SGCE: variants seen among roughly 807,000 people sequenced by gnomAD.
SGCE encodes epsilon-sarcoglycan.
Under a neutral mutation model 57.8 loss-of-function variants are expected in SGCE, and 26 were observed. The observed-to-expected ratio is 0.45, with a 90% CI of 0.33 to 0.62. SGCE has a LOEUF of 0.62. SGCE is among the 20% of genes least tolerant of loss of function. SGCE has a pLI of 0.02. For missense variants in SGCE, 468 were observed against 548.6 expected (o/e 0.85, Z 1.47); for synonymous variants, 183 against 189.5 (o/e 0.97, Z 0.28).
chr7:94,639,594 G>T, intron 1 of SGCE: 1 of 605,092 alleles, frequency 1.7e-6, no homozygotes, highest in South Asian at 2.0e-5. Flanking sequence ...AATATTTGTT[G>T]TATGTCAATA....
intron 9 of SGCE, chr7:94,597,748 C>G (rs975163762): frequency 7.9e-5 from 12 of 152,298 alleles, no homozygotes; most frequent in Admixed American, 4.6e-4. Flanking sequence ...GTGGCTCACA[C>G]CTGTAATCCC....
At chr7:94,628,477 T>C (rs1442119337) in intron 2 of SGCE, 118 bp from the exon 3 acceptor site, 1 of 750,398 alleles carries the variant, frequency 1.3e-6, no homozygotes, top group Non-Finnish European at 2.2e-6. Flanking sequence ...GCCAACTAAA[T>C]ACACACATAC....
At chr7:94,652,394 T>G (rs1242009362) in intron 1 of SGCE, among the ~76,000 whole-genome samples, 1 of 152,236 alleles carries the variant, frequency 6.6e-6, no homozygotes, top group African/African-American at 2.4e-5. Context: ...GGAGAAAATG[T>G]GATCTATAAA....
At chr7:94,599,067 T>A in intron 8 of SGCE, 104 bp from the exon 9 acceptor site, 4 of 813,428 alleles carry the variant, frequency 4.9e-6, no homozygotes, top group Non-Finnish European at 3.9e-6. Context: ...TTTAAAATAA[T>A]AAGACATTAT....
chr7:94,605,113 A>G (rs1799916758), intron 5 of SGCE, among the ~76,000 whole-genome samples: 1 of 151,974 alleles, frequency 6.6e-6, no homozygotes, highest in Non-Finnish European at 1.5e-5. Flanking sequence ...AAATTATAAA[A>G]CATACTATAC....
At chr7:94,608,845 G>T (rs1800564104) in intron 5 of SGCE, among the ~76,000 whole-genome samples, 1 of 152,180 alleles carries the variant, frequency 6.6e-6, no homozygotes, top group Non-Finnish European at 1.5e-5. Context: ...TGAACAAATG[G>T]TGTTGAAAAA....
At chr7:94,603,190 A>G in intron 6 of SGCE, 100 bp downstream of exon 6, 1 of 908,126 alleles carries the variant, frequency 1.1e-6, no homozygotes, top group East Asian at 2.6e-5. Context: ...GTTAAAGTAA[A>G]CCTAGGATTT....
At chr7:94,608,390 G>A (rs1038866501) in intron 5 of SGCE, among the ~76,000 whole-genome samples, 1 of 152,080 alleles carries the variant, frequency 6.6e-6, no homozygotes, top group Non-Finnish European at 1.5e-5. Context: ...TCTGTATGAG[G>A]AAGACTACAA....
At chr7:94,625,090 T>A (rs544928989) in intron 3 of SGCE, 1 of 152,168 alleles carries the variant, frequency 6.6e-6, no homozygotes, top group South Asian at 2.1e-4. Flanking sequence ...GAAGAAAATG[T>A]GAGTGTCTAC....
chr7:94,604,144 A>C (rs1799687915), intron 5 of SGCE, among the ~76,000 whole-genome samples: 1 of 152,142 alleles, frequency 6.6e-6, no homozygotes, highest in African/African-American at 2.4e-5. Context: ...CTGGCTAAAA[A>C]GATTTCACAA....
intron 1 of SGCE, among the ~76,000 whole-genome samples, chr7:94,631,424 A>T (rs1484381857): frequency 1.3e-5 from 2 of 151,940 alleles, no homozygotes; most frequent in African/African-American, 2.4e-5. Context: ...GGAGACCAAC[A>T]TCCACCTAAC....
At chr7:94,632,172 G>A (rs1419717496) in intron 1 of SGCE, among the ~76,000 whole-genome samples, 1 of 151,928 alleles carries the variant, frequency 6.6e-6, no homozygotes. Context: ...GCTGCTATAA[G>A]GTGGTAAAAG....
intron 1 of SGCE, among the ~76,000 whole-genome samples, chr7:94,643,212 A>AT (rs1806634224): frequency 1.3e-5 from 2 of 152,158 alleles, no homozygotes; most frequent in South Asian, 4.1e-4. Context: ...GGTCTATGGA[A>AT]TTTTTTCTTA....
At chr7:94,610,800 TAATC>T (rs941203135) in intron 5 of SGCE, among the ~76,000 whole-genome samples, 3 of 152,138 alleles carry the variant, frequency 2.0e-5, no homozygotes, top group African/African-American at 7.2e-5. Context: ...TCTTACAACT[TAATC>T]AAAAAATGAA....
chr7:94,638,854 T>C (rs953907313), intron 1 of SGCE, among the ~76,000 whole-genome samples: 1 of 152,180 alleles, frequency 6.6e-6, no homozygotes, highest in Non-Finnish European at 1.5e-5. Context: ...ATCTTTCCAA[T>C]AGAAAACAAG....
chr7:94,601,592 AATTTGCTACTAC>A (rs1240798374), intron 6 of SGCE, among the ~76,000 whole-genome samples: 5 of 152,050 alleles, frequency 3.3e-5, no homozygotes, highest in East Asian at 1.9e-4. Flanking sequence ...AGCCATGTGA[AATTTGCTACTAC>A]ATTTGCTACT....
At chr7:94,650,132 C>T (rs1286259783) in intron 1 of SGCE, among the ~76,000 whole-genome samples, 1 of 152,192 alleles carries the variant, frequency 6.6e-6, no homozygotes, top group Non-Finnish European at 1.5e-5. Context: ...AGGCAGAAAC[C>T]AGGCTAACCT....
At chr7:94,613,516 T>G (rs1801392039) in intron 5 of SGCE, among the ~76,000 whole-genome samples, 1 of 152,200 alleles carries the variant, frequency 6.6e-6, no homozygotes, top group African/African-American at 2.4e-5. Context: ...TTCAAAAGAC[T>G]AGAGACTGGA....
chr7:94,613,250 A>G (rs1801346413), intron 5 of SGCE, among the ~76,000 whole-genome samples: 1 of 152,226 alleles, frequency 6.6e-6, no homozygotes, highest in Non-Finnish European at 1.5e-5. Context: ...GCTTTTAAAA[A>G]TATGTAATTT....
Sources: allele counts gnomAD v4.1 joint callset (sites outside exome capture counted in the v4.1 genomes callset), GRCh38; gene constraint gnomAD v4.1.1; transcripts MANE v1.5; gene names NCBI Gene and HGNC (gene_info 2026-07-23, HGNC 2026-07-21).